The following CKMT2 variants were observed in gnomAD, a reference collection of about 807,000 sequenced individuals.
CKMT2 encodes creatine kinase S-type, mitochondrial.
Under a neutral mutation model 48.9 loss-of-function variants are expected in CKMT2, and 43 were observed. That is an observed-to-expected ratio of 0.88 (90% CI 0.69 to 1.13). CKMT2 has a LOEUF of 1.13. Ranked by LOEUF, CKMT2 falls within the 50% of genes most tolerant of loss-of-function variation. The pLI is 0.00. For missense variants in CKMT2, 472 were observed against 555.4 expected (o/e 0.85, Z 1.51); for synonymous variants, 206 against 213.0 (o/e 0.97, Z 0.29).
chr5:81,254,603 C>T, intron 4 of CKMT2, 112 bp downstream of exon 4: 1 of 873,846 alleles, frequency 1.1e-6, no homozygotes, highest in Non-Finnish European at 1.8e-6. Context: ...CTGGAAAGCA[C>T]TGTGACTGCC....
chr5:81,250,940 A>AACACACACACACACACACAC (rs142418532), intron 1 of CKMT2, among the ~76,000 whole-genome samples, 173 bp from the exon 2 acceptor site: 3,955 of 132,872 alleles, frequency 0.03, 104 homozygotes, highest in Middle Eastern at 0.062. Flanking sequence ...AGAAATAGAA[A>AACACACACACACACACACAC]ACACACACAC....
intron 8 of CKMT2, among the ~76,000 whole-genome samples, 180 bp from the exon 9 acceptor site, chr5:81,263,311 C>T (rs186969968): frequency 6.0e-5 from 9 of 150,154 alleles, no homozygotes; most frequent in Non-Finnish European, 8.9e-5. Flanking sequence ...TATCCCAGAA[C>T]GCTTTATTTA....
At chr5:81,258,833 G>A (rs373852817) in intron 7 of CKMT2, among the ~76,000 whole-genome samples, 3 of 152,080 alleles carry the variant, frequency 2.0e-5, no homozygotes, top group Non-Finnish European at 2.9e-5. Context: ...CCCTCCCTAC[G>A]ATCTGTGGAA....
At chr5:81,244,453 G>C (rs981376169) in intron 1 of CKMT2, among the ~76,000 whole-genome samples, 4 of 152,186 alleles carry the variant, frequency 2.6e-5, no homozygotes, top group African/African-American at 7.2e-5. Flanking sequence ...ATCTGCCAGG[G>C]ATTTCCAGAA....
chr5:81,254,608 A>G, intron 4 of CKMT2, 117 bp downstream of exon 4: 2 of 844,786 alleles, frequency 2.4e-6, no homozygotes, highest in Admixed American at 4.3e-5. Context: ...AAGCACTGTG[A>G]CTGCCCTGGC....
chr5:81,243,701 T>A (rs566867501), intron 1 of CKMT2, among the ~76,000 whole-genome samples: 1 of 152,202 alleles, frequency 6.6e-6, no homozygotes, highest in East Asian at 1.9e-4. Flanking sequence ...ATAGGATTTT[T>A]TTTTTTTTGA....
intron 9 of CKMT2, among the ~76,000 whole-genome samples, chr5:81,265,333 A>G (rs1392851252): frequency 1.3e-5 from 2 of 152,210 alleles, no homozygotes; most frequent in Non-Finnish European, 2.9e-5. Flanking sequence ...CCTTATGCAT[A>G]TAAAGAGATA....
chr5:81,238,530 A>G (rs1756324975), intron 1 of CKMT2: 1 of 152,162 alleles, frequency 6.6e-6, no homozygotes, highest in Admixed American at 6.5e-5. Flanking sequence ...GCCTTCCCTA[A>G]GTTGAAAAAA....
At chr5:81,263,865 G>A (rs947471011) in intron 9 of CKMT2, among the ~76,000 whole-genome samples, 9 of 152,150 alleles carry the variant, frequency 5.9e-5, no homozygotes, top group African/African-American at 1.7e-4. Flanking sequence ...TGTTGTCACC[G>A]ACCTGCCATG....
chr5:81,259,006 T>TA (rs1249962003), intron 7 of CKMT2, 114 bp from the exon 8 acceptor site: 1 of 1,008,618 alleles, frequency 9.9e-7, no homozygotes, highest in Non-Finnish European at 1.4e-6. Flanking sequence ...AAATTTACCT[T>TA]AATTTCATTC....
Position 81,252,620 on chromosome 5 carries a change from G to A in CKMT2, c.153-75G>A, listed in dbSNP as rs541919845. 1.9e-5 allele frequency: 28 copies of A among 1,489,948 alleles called. No homozygotes were observed. The African/African-American group carries it at 3.4e-4, about 18-fold the overall frequency. The allele number at this position is 1,489,948 out of a possible 1,614,324, so 92.3% of individuals were successfully genotyped here. A position where few individuals can be genotyped will look rare whatever the true frequency, so the allele number is the denominator to read the frequency against. On this transcript the variant is annotated intron_variant, in intron 2 of 9. Transcript: ENST00000254035. ...TGAAGGGAGCCTAGTGGAAGGATGG[G>A]CAAACAACAAGTCCTTCCATTGGCC... is the stretch of plus-strand genomic sequence containing the variant.
chr5:81,247,480 T>G (rs1756650167), intron 1 of CKMT2, among the ~76,000 whole-genome samples: 1 of 152,212 alleles, frequency 6.6e-6, no homozygotes, highest in African/African-American at 2.4e-5. Context: ...TTATGTAACA[T>G]TTGGGGCCTG....
intron 4 of CKMT2, 61 bp from the exon 5 acceptor site, chr5:81,254,932 G>A: frequency 1.4e-6 from 2 of 1,399,992 alleles, no homozygotes; most frequent in Non-Finnish European, 2.0e-6. Flanking sequence ...AGAACCCACT[G>A]TGGCTGTGGC....
At chr5:81,249,908 C>T (rs545797270) in intron 1 of CKMT2, among the ~76,000 whole-genome samples, 8 of 152,264 alleles carry the variant, frequency 5.3e-5, no homozygotes, top group Non-Finnish European at 8.8e-5. Flanking sequence ...CTGCTCTTCA[C>T]GTCTTTGTCA....
chr5:81,236,233 C>T (rs1437574016), intron 1 of CKMT2: 16 of 152,230 alleles, frequency 1.1e-4, no homozygotes, highest in Admixed American at 1.0e-3. Context: ...CTTCTACGGT[C>T]TTGGGGGTTT....
intron 3 of CKMT2, 125 bp from the exon 4 acceptor site, chr5:81,254,271 C>A: frequency 1.4e-6 from 1 of 691,336 alleles, no homozygotes; most frequent in Non-Finnish European, 2.6e-6. Context: ...TATGATAGTC[C>A]TGAAAATTTC....
Position 81,251,290 on chromosome 5 carries a change from G to C in CKMT2, c.152+6G>C. On this transcript the variant is annotated splice_donor_region_variant and intron_variant, in intron 2 of 9. Coordinates refer to ENST00000254035, the MANE Select transcript of CKMT2 (RefSeq NM_001099735.2). ...CCTAGGCTATTTCCTCCAAGGTAAG[G>C]GCTCCTGACTTTAAAATAACCTCAG... The C allele has an allele frequency of 6.2e-7, 1 of 1,613,536 alleles. No individual in the cohort carries two copies. Among genetic ancestry groups the C allele is most frequent in the Non-Finnish European group, 8.5e-7 (1 of 1,179,852 alleles).
rs187319640 is a variant in CKMT2 at position 81,255,358 on chromosome 5, C to A, written c.669+144C>A. 1.9e-4 allele frequency: 130 copies of A among 690,576 alleles called. No homozygotes were observed. The East Asian group carries it at 3.5e-3, about 19-fold the overall frequency. The allele number at this position is 690,576 out of a possible 1,614,324, so 42.8% of individuals were successfully genotyped here. ...ACCCCTGAGCTCAGCCCAAGAGCATCTACTTATTCAGTGTAAGGAAGAAAG... is the reference window on the plus strand; with the variant it reads ...ACCCCTGAGCTCAGCCCAAGAGCATATACTTATTCAGTGTAAGGAAGAAAG... On this transcript the variant is annotated intron_variant, in intron 5 of 9. Coordinates refer to ENST00000254035, the MANE Select transcript of CKMT2 (RefSeq NM_001099735.2).
intron 3 of CKMT2, among the ~76,000 whole-genome samples, chr5:81,253,535 C>T (rs149202362): frequency 3.1e-4 from 47 of 152,344 alleles, no homozygotes; most frequent in Non-Finnish European, 6.0e-4. Context: ...CTGCAGCCCT[C>T]CTCCTTCAGG....
Sources: allele counts gnomAD v4.1 joint callset (sites outside exome capture counted in the v4.1 genomes callset), GRCh38; gene constraint gnomAD v4.1.1; transcripts MANE v1.5; gene names NCBI Gene and HGNC (gene_info 2026-07-23, HGNC 2026-07-21).